GRID2: variants seen among roughly 807,000 people sequenced by gnomAD.
GRID2 encodes glutamate ionotropic receptor delta type subunit 2.
A neutral mutation model predicts 114.8 loss-of-function variants in GRID2; 33 were observed. The ratio of observed to expected loss-of-function variants is 0.29; its 90% CI spans 0.22 to 0.38. The LOEUF (loss-of-function observed/expected upper bound fraction) is 0.38, where lower values mean the gene tolerates loss of function less well. GRID2 is among the 10% of genes least tolerant of loss of function. GRID2 has a pLI of 1.00. For synonymous variants in GRID2, 505 were observed against 449.9 expected (o/e 1.12, Z -1.55); for missense variants, 1,184 against 1,257.7 (o/e 0.94, Z 0.89).
chr4:92,940,574 A>G (rs1336307295), intron 2 of GRID2, among the ~76,000 whole-genome samples: 1 of 152,034 alleles, frequency 6.6e-6, no homozygotes, highest in African/African-American at 2.4e-5. Context: ...TCCCCTGCCT[A>G]ATTGCCCTGG....
At position 92,992,895 on chromosome 4, in the gene GRID2, G is replaced by T. The variant is rs150920962; in HGVS notation, c.245-92100G>T. On this transcript the variant is annotated intron_variant, in intron 2 of 15. Coordinates refer to ENST00000282020, the MANE Select transcript of GRID2 (RefSeq NM_001510.4). ...TCATAAATTTTTATGACCTCTTTGC[G>T]TTGGAAATCTGTAATTTTTCCCAGA... 1.8e-3 allele frequency among the ~76,000 whole-genome samples: 278 copies of T among 151,830 alleles called. 2 individuals are homozygous for T. Among genetic ancestry groups the T allele is most frequent in the African/African-American group, 6.4e-3 (264 of 41,404 alleles).
chr4:93,235,265 T>G (rs1746643813), intron 7 of GRID2, among the ~76,000 whole-genome samples: 1 of 152,142 alleles, frequency 6.6e-6, no homozygotes, highest in South Asian at 2.1e-4. Flanking sequence ...TTAAAAAGGT[T>G]TACTCTGGCA....
chr4:93,489,720 T>A (rs924702084), intron 11 of GRID2, among the ~76,000 whole-genome samples: 1 of 151,902 alleles, frequency 6.6e-6, no homozygotes, highest in African/African-American at 2.4e-5. Context: ...TTGAAGAAGA[T>A]GTTTGAAAAT....
intron 14 of GRID2, among the ~76,000 whole-genome samples, chr4:93,690,837 A>G (rs1726493072): frequency 6.6e-6 from 1 of 150,554 alleles, no homozygotes; most frequent in Non-Finnish European, 1.5e-5. Flanking sequence ...CTTATTTTAT[A>G]TATAATATGT....
intron 14 of GRID2, among the ~76,000 whole-genome samples, chr4:93,647,957 A>G (rs960625679): frequency 6.6e-6 from 1 of 152,134 alleles, no homozygotes; most frequent in Non-Finnish European, 1.5e-5. Context: ...AAGAGCTGCT[A>G]TTATCGTTTC....
chr4:92,791,589 C>A (rs1739595595), intron 2 of GRID2, among the ~76,000 whole-genome samples: 1 of 151,714 alleles, frequency 6.6e-6, no homozygotes, highest in Admixed American at 6.6e-5. Flanking sequence ...ACAGAATAAT[C>A]AGTTTCAAAA....
intron 13 of GRID2, among the ~76,000 whole-genome samples, chr4:93,518,023 G>A (rs62319536): frequency 3.1e-3 from 108 of 35,336 alleles, no homozygotes; most frequent in African/African-American, 0.01. Flanking sequence ...ATACATACAT[G>A]TACATGTATG....
At chr4:92,987,594 T>TA (rs549094100) in intron 2 of GRID2, among the ~76,000 whole-genome samples, 23 of 148,718 alleles carry the variant, frequency 1.5e-4, no homozygotes, top group East Asian at 1.2e-3. Flanking sequence ...AAAGTATAAT[T>TA]AAAAAAAAAT....
intron 13 of GRID2, among the ~76,000 whole-genome samples, chr4:93,612,522 C>T (rs1265156368): frequency 5.4e-5 from 6 of 110,968 alleles, no homozygotes; most frequent in East Asian, 2.3e-4. Context: ...GACAAAATCT[C>T]TCAGCATTTG....
At chr4:93,670,768 T>G (rs1462212475) in intron 14 of GRID2, among the ~76,000 whole-genome samples, 3 of 152,126 alleles carry the variant, frequency 2.0e-5, no homozygotes. Flanking sequence ...GTTTTCCACA[T>G]AGATTTATTT....
chr4:93,175,375 T>A (rs1036196805), intron 4 of GRID2, among the ~76,000 whole-genome samples: 1 of 152,282 alleles, frequency 6.6e-6, no homozygotes, highest in Non-Finnish European at 1.5e-5. Flanking sequence ...TTCATCATGT[T>A]GGCCAGGCTG....
chr4:93,366,236 A>G (rs1762321889), intron 8 of GRID2, among the ~76,000 whole-genome samples: 1 of 152,118 alleles, frequency 6.6e-6, no homozygotes, highest in Non-Finnish European at 1.5e-5. Flanking sequence ...TTGAAAAGCA[A>G]ATGGGAGAAA....
intron 8 of GRID2, among the ~76,000 whole-genome samples, chr4:93,370,235 C>G (rs1167580071): frequency 6.6e-6 from 1 of 152,070 alleles, no homozygotes; most frequent in Non-Finnish European, 1.5e-5. Context: ...AAAAATCTGT[C>G]TAGCTTTCAG....
intron 2 of GRID2, among the ~76,000 whole-genome samples, chr4:92,759,180 T>A (rs544996405): frequency 6.6e-6 from 1 of 152,334 alleles, no homozygotes; most frequent in African/African-American, 2.4e-5. Context: ...ATGTCATTCC[T>A]TCCATCTATT....
intron 2 of GRID2, among the ~76,000 whole-genome samples, chr4:92,808,143 T>C (rs999251961): frequency 6.6e-6 from 1 of 151,920 alleles, no homozygotes; most frequent in African/African-American, 2.4e-5. Context: ...GAAAAGGGTG[T>C]AAGCTGAGGT....
chr4:93,243,233 C>T (rs1219548681), intron 8 of GRID2, among the ~76,000 whole-genome samples: 2 of 152,024 alleles, frequency 1.3e-5, no homozygotes, highest in Admixed American at 6.6e-5. Context: ...AGATCTAACA[C>T]TCAAGTAATT....
At position 93,192,747 on chromosome 4, in the gene GRID2, C is replaced by CAAA. The variant is rs775968274; in HGVS notation, c.736-14635_736-14633dup. ...GGGCAACAAGAGCAAAACTCCATCT[C>CAAA]AAAAAAAAAAAAAAAAAAAAAAAAG... On this transcript the variant is annotated intron_variant, in intron 4 of 15. Transcript: ENST00000282020. Among the ~76,000 whole-genome samples, 238 of 43,364 alleles carry CAAA rather than the reference C, an allele frequency of 5.5e-3. 6 individuals carry two copies. Among genetic ancestry groups the CAAA allele is most frequent in the African/African-American group, 0.016 (197 of 12,362 alleles). 28.4% of individuals were successfully genotyped at this position (43,364 alleles called of 152,430 possible). A position where few individuals can be genotyped will look rare whatever the true frequency, so the allele number is the denominator to read the frequency against.
At chr4:93,534,389 C>T (rs13106203) in intron 13 of GRID2, among the ~76,000 whole-genome samples, 47,333 of 151,924 alleles carry the variant, frequency 0.31, 8,084 homozygotes, top group African/African-American at 0.43. Context: ...AACATGTCTA[C>T]CACCTTGTAT....
chr4:92,831,698 T>C (rs1742113695), intron 2 of GRID2, among the ~76,000 whole-genome samples: 1 of 151,638 alleles, frequency 6.6e-6, no homozygotes, highest in Non-Finnish European at 1.5e-5. Context: ...TACAAAAAAT[T>C]AAAGTAAAGT....
Sources: allele counts gnomAD v4.1 joint callset (sites outside exome capture counted in the v4.1 genomes callset), GRCh38; gene constraint gnomAD v4.1.1; transcripts MANE v1.5; gene names NCBI Gene and HGNC (gene_info 2026-07-23, HGNC 2026-07-21).